Variants in UBE3D observed in about 807,000 individuals in gnomAD.
The protein encoded by UBE3D is E3 ubiquitin-protein ligase E3D.
Under a neutral mutation model 49.6 loss-of-function variants are expected in UBE3D, and 48 were observed. The observed-to-expected ratio is 0.97, with a 90% confidence interval of 0.77 to 1.23. UBE3D has a LOEUF of 1.23. Ranked by LOEUF, UBE3D falls within the 50% of genes most tolerant of loss-of-function variation. The probability of loss-of-function intolerance (pLI) is 0.00; values close to 1 mark genes in which losing one functional copy is unlikely to be tolerated. For synonymous variants in UBE3D, 189 were observed against 174.2 expected (o/e 1.08, Z -0.67); for missense variants, 452 against 468.4 (o/e 0.96, Z 0.32).
chr6:82,938,591 A>G (rs1423405996), intron 9 of UBE3D: 4 of 152,230 alleles, frequency 2.6e-5, no homozygotes, highest in Non-Finnish European at 5.9e-5. Flanking sequence ...GTTAATAAGG[A>G]GCAGTGAAGA....
At chr6:83,013,441 G>A (rs567259086) in intron 8 of UBE3D, among the ~76,000 whole-genome samples, 1 of 152,192 alleles carries the variant, frequency 6.6e-6, no homozygotes, top group Non-Finnish European at 1.5e-5. Flanking sequence ...CATTGGATCT[G>A]CTGGGTTACA....
chr6:82,890,443 A>T (rs984551829), downstream of UBE3D, among the ~76,000 whole-genome samples: 3 of 152,140 alleles, frequency 2.0e-5, no homozygotes, highest in African/African-American at 7.2e-5. Flanking sequence ...CTCCCTTCCC[A>T]ACTGTGGAAG....
chr6:82,983,109 C>T (rs1778222214), intron 8 of UBE3D, among the ~76,000 whole-genome samples: 2 of 151,876 alleles, frequency 1.3e-5, no homozygotes, highest in Admixed American at 1.3e-4. Context: ...CCTCAGCCTC[C>T]CAAAGTGCTG....
chr6:83,031,196 A>C (rs1781844673), intron 5 of UBE3D, among the ~76,000 whole-genome samples: 1 of 152,178 alleles, frequency 6.6e-6, no homozygotes, highest in African/African-American at 2.4e-5. Context: ...TTTGGTAGAG[A>C]CAAGGTTTCA....
At chr6:83,036,576 G>A (rs1431042335) in intron 5 of UBE3D, 4 of 151,566 alleles carry the variant, frequency 2.6e-5, no homozygotes, top group Non-Finnish European at 5.9e-5. Flanking sequence ...ATTTGCCTTG[G>A]TTTCTTTTTT....
chr6:83,062,552 T>C (rs951706599), intron 1 of UBE3D, among the ~76,000 whole-genome samples: 1 of 152,134 alleles, frequency 6.6e-6, no homozygotes, highest in African/African-American at 2.4e-5. Context: ...ACCATAGCAG[T>C]TAGGAACAAG....
Position 82,892,934 on chromosome 6 carries a change from A to G in UBE3D, c.*88T>C. The G allele has an allele frequency of 6.8e-7, 1 of 1,480,420 alleles. No individual in the cohort carries two copies. Among genetic ancestry groups the G allele is most frequent in the Non-Finnish European group, 9.4e-7 (1 of 1,059,824 alleles). 91.7% of individuals were successfully genotyped at this position (1,480,420 alleles called of 1,614,324 possible). ...CATAGCTCTGGTTCTTGTCTTTGTA[A>G]TTGATGCCTCCTGAGCTGACTGCTG... On this transcript the variant is annotated 3_prime_UTR_variant, in exon 10 of 10. Transcript: ENST00000369747.
intron 9 of UBE3D, among the ~76,000 whole-genome samples, chr6:82,927,969 A>C (rs976906506): frequency 1.7e-4 from 26 of 152,158 alleles, no homozygotes; most frequent in Admixed American, 1.6e-3. Flanking sequence ...ATGTTGGTAC[A>C]TACATCATTA....
intron 9 of UBE3D, among the ~76,000 whole-genome samples, chr6:82,904,893 T>C (rs1231608425): frequency 2.0e-5 from 3 of 152,182 alleles, no homozygotes; most frequent in Admixed American, 6.5e-5. Flanking sequence ...TATAAGAATG[T>C]AGGTTGCTTA....
chr6:82,968,710 C>G (rs991808409), intron 8 of UBE3D, among the ~76,000 whole-genome samples: 1 of 152,222 alleles, frequency 6.6e-6, no homozygotes, highest in South Asian at 2.1e-4. Context: ...AGTGAACTAA[C>G]AGTTGGGGTT....
intron 2 of UBE3D, among the ~76,000 whole-genome samples, chr6:83,055,152 A>G (rs556111376): frequency 6.6e-6 from 1 of 152,054 alleles, no homozygotes; most frequent in East Asian, 1.9e-4. Flanking sequence ...GGAAAAATGT[A>G]TATTTCTCAC....
the UBE3D span, among the ~76,000 whole-genome samples, chr6:82,884,223 C>CTA: frequency 6.6e-6 from 1 of 152,148 alleles, no homozygotes; most frequent in Non-Finnish European, 1.5e-5. Context: ...CTCCTTCCAT[C>CTA]TATACCCTAG....
At chr6:82,995,938 G>T (rs1265823979) in intron 8 of UBE3D, among the ~76,000 whole-genome samples, 3 of 152,056 alleles carry the variant, frequency 2.0e-5, no homozygotes, top group Non-Finnish European at 4.4e-5. Context: ...GTGGTGGCAG[G>T]CACATGCAAT....
intron 9 of UBE3D, among the ~76,000 whole-genome samples, chr6:82,906,203 A>C (rs916916698): frequency 1.3e-5 from 2 of 152,142 alleles, no homozygotes; most frequent in African/African-American, 4.8e-5. Context: ...ATTACAATTA[A>C]TAAGTCTTTT....
chr6:83,037,888 T>C (rs1562214208), intron 5 of UBE3D: 1 of 151,992 alleles, frequency 6.6e-6, no homozygotes, highest in Admixed American at 6.6e-5. Context: ...ATTTTTTTTC[T>C]TCCATTTCAA....
At chr6:82,990,369 C>T (rs1455295870) in intron 8 of UBE3D, among the ~76,000 whole-genome samples, 1 of 152,132 alleles carries the variant, frequency 6.6e-6, no homozygotes, top group African/African-American at 2.4e-5. Context: ...CCTCCACCTC[C>T]TGGGTTCAAG....
chr6:83,014,862 T>C (rs767280202), intron 8 of UBE3D, among the ~76,000 whole-genome samples: 5 of 152,198 alleles, frequency 3.3e-5, no homozygotes, highest in Non-Finnish European at 7.3e-5. Flanking sequence ...ACTGTGATTC[T>C]CTGCTTTTAT....
chr6:82,890,996 A>G (rs1770968769), downstream of UBE3D, among the ~76,000 whole-genome samples: 1 of 149,972 alleles, frequency 6.7e-6, no homozygotes, highest in Non-Finnish European at 1.5e-5. Context: ...GACCGATACA[A>G]ACTGAACTCT....
At chr6:82,956,816 T>C (rs1461981194) in intron 9 of UBE3D, among the ~76,000 whole-genome samples, 1 of 152,172 alleles carries the variant, frequency 6.6e-6, no homozygotes, top group Non-Finnish European at 1.5e-5. Flanking sequence ...AGCATCTGTT[T>C]GTTCATTTAT....
Sources: gnomAD v4.1 joint callset for allele counts (sites outside exome capture counted in the v4.1 genomes callset) on GRCh38, gnomAD v4.1.1 for gene constraint, MANE v1.5 for transcripts, NCBI Gene and HGNC (gene_info 2026-07-23, HGNC 2026-07-21) for gene names.